RARB: variants seen among roughly 807,000 people sequenced by gnomAD.
The protein encoded by RARB is retinoic acid receptor beta.
Under a neutral mutation model 51.9 loss-of-function variants are expected in RARB, and 17 were observed. That is an observed-to-expected ratio of 0.33 (90% CI 0.22 to 0.49). The LOEUF (loss-of-function observed/expected upper bound fraction) is 0.49. Ranked by LOEUF, RARB falls within the 20% of genes least tolerant of loss-of-function variation. The pLI is 0.99. For missense variants in RARB, 369 were observed against 550.8 expected, an observed-to-expected ratio of 0.67 and a Z score of 3.30; for synonymous variants, 215 against 195.4, an observed-to-expected ratio of 1.10 and a Z score of -0.84.
chr3:25,028,294 G>T (rs1028933298), intron 2 of RARB, among the ~76,000 whole-genome samples: 2 of 152,188 alleles, frequency 1.3e-5, no homozygotes, highest in African/African-American at 4.8e-5. Flanking sequence ...TGATGCAGGT[G>T]GTCTGACCAG....
At chr3:25,216,006 G>T (rs943601083) in intron 5 of RARB, among the ~76,000 whole-genome samples, 3 of 152,156 alleles carry the variant, frequency 2.0e-5, no homozygotes, top group African/African-American at 7.2e-5. Flanking sequence ...ATACTCAAGG[G>T]CATGGACTAA....
chr3:25,181,454 G>A (rs2125357521), intron 5 of RARB, among the ~76,000 whole-genome samples: 1 of 152,274 alleles, frequency 6.6e-6, no homozygotes, highest in East Asian at 1.9e-4. Flanking sequence ...TGCTGGTGAG[G>A]GAATTTTGGA....
chr3:25,213,037 C>T (rs1701736434), intron 5 of RARB, among the ~76,000 whole-genome samples: 1 of 152,104 alleles, frequency 6.6e-6, no homozygotes, highest in Non-Finnish European at 1.5e-5. Context: ...TCTTAAAGAC[C>T]ATGCTTTGCT....
chr3:25,596,132 C>G (rs1403606145), intron 7 of RARB, among the ~76,000 whole-genome samples: 22 of 152,316 alleles, frequency 1.4e-4, no homozygotes, highest in Non-Finnish European at 1.5e-5. Context: ...TACTATGAGT[C>G]TGAGCTGGTT....
At chr3:25,139,614 G>A (rs941554429) in intron 4 of RARB, among the ~76,000 whole-genome samples, 5 of 152,126 alleles carry the variant, frequency 3.3e-5, no homozygotes, top group African/African-American at 1.2e-4. Context: ...AAAAGTTCAA[G>A]GTGAAGCAGC....
chr3:25,566,189 A>G (rs149804379), intron 3 of RARB, among the ~76,000 whole-genome samples: 367 of 152,338 alleles, frequency 2.4e-3, no homozygotes, highest in African/African-American at 7.6e-3. Flanking sequence ...GCGTTCTTCT[A>G]GAGTTTAAAA....
At chr3:25,279,707 A>T (rs1187557844) in intron 5 of RARB, among the ~76,000 whole-genome samples, 1 of 152,166 alleles carries the variant, frequency 6.6e-6, no homozygotes, top group East Asian at 1.9e-4. Flanking sequence ...GCCAATGAAG[A>T]ATGAGAAGGT....
intron 2 of RARB, among the ~76,000 whole-genome samples, chr3:24,883,595 T>G (rs903729069): frequency 2.0e-5 from 3 of 152,172 alleles, no homozygotes; most frequent in African/African-American, 7.2e-5. Context: ...TTAAGTTAAT[T>G]CACTTTTTGA....
chr3:25,354,226 G>A (rs1194517493), intron 5 of RARB, among the ~76,000 whole-genome samples: 1 of 152,052 alleles, frequency 6.6e-6, no homozygotes, highest in African/African-American at 2.4e-5. Flanking sequence ...GTGACTCATG[G>A]AACTTTCTCA....
chr3:25,081,621 A>ATATGTATATATTTT (rs1553631108), intron 3 of RARB, among the ~76,000 whole-genome samples: 1 of 5,804 alleles, frequency 1.7e-4, no homozygotes, highest in Non-Finnish European at 3.1e-4. Flanking sequence ...ATATATATAT[A>ATATGTATATATTTT]TTTTTTTTTT....
At chr3:25,070,239 C>T (rs955093050) in intron 3 of RARB, among the ~76,000 whole-genome samples, 2 of 152,178 alleles carry the variant, frequency 1.3e-5, no homozygotes, top group African/African-American at 4.8e-5. Context: ...GAGGCCCACC[C>T]TACTCCAGTG....
intron 3 of RARB, among the ~76,000 whole-genome samples, chr3:25,563,968 G>C (rs1052465763): frequency 7.7e-6 from 1 of 129,832 alleles, no homozygotes; most frequent in African/African-American, 3.0e-5. Flanking sequence ...TTTTTTTGAT[G>C]TGAAAGGATT....
chr3:25,179,109 T>A (rs1214740808), intron 5 of RARB, among the ~76,000 whole-genome samples: 1 of 152,146 alleles, frequency 6.6e-6, no homozygotes, highest in East Asian at 1.9e-4. Flanking sequence ...GCTTAAAAAA[T>A]CCCAACCTTC....
intron 2 of RARB, among the ~76,000 whole-genome samples, chr3:24,937,790 G>A (rs1695577009): frequency 6.6e-6 from 1 of 152,102 alleles, no homozygotes; most frequent in Admixed American, 6.5e-5. Context: ...TTGGCATGCA[G>A]AGTTTTTTAT....
At chr3:25,082,889 A>G (rs554431093) in intron 3 of RARB, among the ~76,000 whole-genome samples, 145 of 152,206 alleles carry the variant, frequency 9.5e-4, no homozygotes, top group African/African-American at 3.2e-3. Flanking sequence ...GTTACTCTGA[A>G]AACTTCTTAA....
At chr3:25,334,596 T>C (rs755618837) in intron 5 of RARB, among the ~76,000 whole-genome samples, 1 of 152,134 alleles carries the variant, frequency 6.6e-6, no homozygotes, top group Non-Finnish European at 1.5e-5. Context: ...AGTTATTGGA[T>C]GCAGCACACC....
At chr3:25,216,187 G>A (rs954759494) in intron 5 of RARB, among the ~76,000 whole-genome samples, 1 of 152,192 alleles carries the variant, frequency 6.6e-6, no homozygotes, top group East Asian at 1.9e-4. Context: ...CAGCCAATGG[G>A]CCCCCTGCTT....
rs138389529 is a variant in RARB at position 25,163,504 on chromosome 3, A to AATATATATATATATATATAT, written c.-279-10600_-279-10581dup. On this transcript the variant is annotated intron_variant, in intron 4 of 11. Transcript: ENST00000383772. ...TGAGCAGAATAAGACCCTATCTCAAAATATATATATATATATATATATATA... is the reference window on the plus strand; with the variant it reads ...TGAGCAGAATAAGACCCTATCTCAAAATATATATATATATATATATATATATATATATATATATATATATA... Among the ~76,000 whole-genome samples the AATATATATATATATATATAT allele has an allele frequency of 2.6e-3, 334 of 130,876 alleles. 3 individuals carry two copies. Among genetic ancestry groups the AATATATATATATATATATAT allele is most frequent in the African/African-American group, 3.8e-3 (119 of 31,118 alleles). The allele number at this position is 130,876 out of a possible 152,430, so 85.9% of individuals were successfully genotyped here.
intron 2 of RARB, among the ~76,000 whole-genome samples, chr3:24,957,807 G>A (rs1163827373): frequency 1.3e-5 from 2 of 152,124 alleles, no homozygotes; most frequent in Admixed American, 1.3e-4. Flanking sequence ...CGTTAGAAAA[G>A]AGTGGGTAGG....
Sources: gnomAD v4.1 joint callset for allele counts (sites outside exome capture counted in the v4.1 genomes callset) on GRCh38, gnomAD v4.1.1 for gene constraint, MANE v1.5 for transcripts, NCBI Gene and HGNC (gene_info 2026-07-23, HGNC 2026-07-21) for gene names.